SLC9A4: variants seen among roughly 807,000 people sequenced by gnomAD.
SLC9A4 encodes the protein solute carrier family 9 member A4, also known as sodium/hydrogen exchanger 4.
A neutral mutation model predicts 67.4 loss-of-function variants in SLC9A4; 63 were observed. The observed-to-expected ratio is 0.93, with a 90% CI of 0.76 to 1.15. SLC9A4 has a LOEUF of 1.15. SLC9A4 is among the 50% of genes most tolerant of loss of function. The probability of loss-of-function intolerance (pLI) is 0.00; values close to 1 mark genes in which losing one functional copy is unlikely to be tolerated. For synonymous variants in SLC9A4, 393 were observed against 367.2 expected, an observed-to-expected ratio of 1.07 and a Z score of -0.80; for missense variants, 1,089 against 987.7, an observed-to-expected ratio of 1.10 and a Z score of -1.38.
intron 2 of SLC9A4, among the ~76,000 whole-genome samples, chr2:102,503,025 G>C (rs947560916): frequency 1.3e-5 from 2 of 152,378 alleles, no homozygotes; most frequent in Non-Finnish European, 2.9e-5. Flanking sequence ...AAAACTGCAG[G>C]AAGGCCCTTC....
Position 102,513,222 on chromosome 2 carries a change from T to C in SLC9A4, c.1560-868T>C, listed in dbSNP as rs977169660. Among the ~76,000 whole-genome samples the C allele has an allele frequency of 2.0e-5, 3 of 152,182 alleles. No individual in the cohort carries two copies. The South Asian group carries it at 6.2e-4, about 31-fold the overall frequency. ...AGTTGGAATAAGAGGAGGCCTGGTC[T>C]GAGCCGAGCTGGGACAGCAAAGCTC... On this transcript the variant is annotated intron_variant, in intron 7 of 11. Coordinates refer to ENST00000295269, the MANE Select transcript of SLC9A4 (RefSeq NM_001011552.4).
intron 11 of SLC9A4, among the ~76,000 whole-genome samples, chr2:102,528,306 T>C (rs1674706540): frequency 6.6e-6 from 1 of 152,150 alleles, no homozygotes; most frequent in Admixed American, 6.5e-5. Context: ...CCGAGTCTGG[T>C]CGATAGTTTA....
In SLC9A4 at chr2:102,514,116, T is replaced by TA. The variant is rs778463385; in HGVS notation, c.1587dup (p.Arg530ThrfsTer58). The TA allele has an allele frequency of 3.1e-6, 5 of 1,613,080 alleles. No homozygotes were observed. The East Asian group carries it at 1.1e-4, about 36-fold the overall frequency. ...TTTAAGAAGTTTGATCATAGATACT[T>TA]ACGGAAAATCCTCATCAGAAAGAAC... On this transcript the variant is annotated frameshift_variant, in exon 8 of 12. Coordinates refer to ENST00000295269, the MANE Select transcript of SLC9A4 (RefSeq NM_001011552.4). LOFTEE classifies it high-confidence loss of function.
At chr2:102,475,165 A>T (rs558902171) in intron 1 of SLC9A4, among the ~76,000 whole-genome samples, 1 of 152,378 alleles carries the variant, frequency 6.6e-6, no homozygotes, top group African/African-American at 2.4e-5. Context: ...GGATCTTACT[A>T]TATTTTTAAG....
intron 2 of SLC9A4, among the ~76,000 whole-genome samples, chr2:102,485,685 G>A (rs1256871771): frequency 6.6e-6 from 1 of 152,184 alleles, no homozygotes; most frequent in African/African-American, 2.4e-5. Flanking sequence ...ATAATGATGA[G>A]GCGGCAAGCA....
intron 4 of SLC9A4, 87 bp downstream of exon 4, chr2:102,505,558 T>C: frequency 9.1e-6 from 12 of 1,315,180 alleles, no homozygotes; most frequent in Admixed American, 1.9e-5. Context: ...ACTGGAGGAC[T>C]GAGTAGATGC....
At chr2:102,518,612 C>G (rs970288433) in intron 8 of SLC9A4, among the ~76,000 whole-genome samples, 3 of 152,166 alleles carry the variant, frequency 2.0e-5, no homozygotes, top group African/African-American at 7.2e-5. Context: ...TAAACAAAAT[C>G]CAGGCTTGCT....
chr2:102,528,069 G>A (rs1044183765), intron 11 of SLC9A4, among the ~76,000 whole-genome samples: 2 of 152,054 alleles, frequency 1.3e-5, no homozygotes, highest in Non-Finnish European at 2.9e-5. Context: ...ATGCAGTGGA[G>A]CGATCTTGGC....
chr2:102,504,597 G>A (rs1056227054), intron 3 of SLC9A4, among the ~76,000 whole-genome samples: 6 of 152,074 alleles, frequency 3.9e-5, no homozygotes, highest in African/African-American at 1.4e-4. Context: ...TTTTCTGTAC[G>A]GCATTATCTT....
chr2:102,505,616 G>A, intron 4 of SLC9A4, 145 bp downstream of exon 4: 1 of 722,720 alleles, frequency 1.4e-6, no homozygotes, highest in Admixed American at 2.9e-5. Flanking sequence ...GTCGTGAGCA[G>A]GAATCTTTTC....
rs1231074160 is a variant in SLC9A4, at chr2:102,478,820, G to A, written c.257-19G>A. On this transcript the variant is annotated intron_variant, in intron 1 of 11. Transcript: ENST00000295269. Reference sequence around the variant, plus strand: ...CCGTTTCGTTTGCAAGCACCTAACTGCTCTTCGCTGTTCTGCAGGCTTCCA... The same window carrying A: ...CCGTTTCGTTTGCAAGCACCTAACTACTCTTCGCTGTTCTGCAGGCTTCCA... The A allele has an allele frequency of 2.5e-6, 4 of 1,609,264 alleles. No individual in the cohort carries two copies. The South Asian group carries it at 4.4e-5, about 18-fold the overall frequency.
At chr2:102,482,336 C>T (rs1684482751) in intron 2 of SLC9A4, among the ~76,000 whole-genome samples, 1 of 152,128 alleles carries the variant, frequency 6.6e-6, no homozygotes, top group Non-Finnish European at 1.5e-5. Context: ...CAGATGACCG[C>T]TGAAGTTTGA....
intron 11 of SLC9A4, among the ~76,000 whole-genome samples, chr2:102,530,552 A>T (rs1271418619): frequency 1.3e-5 from 2 of 152,204 alleles, no homozygotes; most frequent in Non-Finnish European, 2.9e-5. Context: ...AGTCCACTGT[A>T]AAATAACCCA....
intron 2 of SLC9A4, among the ~76,000 whole-genome samples, chr2:102,499,129 C>T (rs749628006): frequency 6.6e-6 from 1 of 152,140 alleles, no homozygotes; most frequent in East Asian, 1.9e-4. Flanking sequence ...TCCAAGGAGT[C>T]CTTTGCCTTC....
At position 102,525,036 on chromosome 2, in the gene SLC9A4, A is replaced by G. The variant is rs2104448530; in HGVS notation, c.1831A>G (p.Asn611Asp). Residue 611 changes from asparagine (N) to aspartate (D), a missense_variant, in exon 10 of 12, where the codon AAC becomes GAC. Transcript: ENST00000295269. Reference sequence around the variant, plus strand: ...ATTTTCTCTGCAGACCCTGTCCTACAACAAATACAACCTCAAACCCCAAAC... The same window carrying G: ...ATTTTCTCTGCAGACCCTGTCCTACGACAAATACAACCTCAAACCCCAAAC... Reference protein sequence around the residue: ...YQVRQRTLSYNKYNLKPQTSE... With the variant: ...YQVRQRTLSYDKYNLKPQTSE... The G allele has an allele frequency of 6.2e-7, 1 of 1,614,054 alleles. No homozygotes were observed. The highest frequency in any genetic ancestry group is 8.5e-7 in the Non-Finnish European group (1 of 1,179,960).
intron 7 of SLC9A4, 139 bp from the exon 8 acceptor site, chr2:102,513,951 T>G (rs1685220626): frequency 8.3e-7 from 1 of 1,202,526 alleles, no homozygotes; most frequent in Non-Finnish European, 1.1e-6. Flanking sequence ...TGTGTTCAAA[T>G]GCTATGAATT....
In SLC9A4 at chr2:102,485,381, A is replaced by G. The variant is rs560573679; in HGVS notation, c.720+6079A>G. Among the ~76,000 whole-genome samples, 9 of 152,334 alleles carry G rather than the reference A, an allele frequency of 5.9e-5. No homozygotes were observed. The South Asian group carries it at 1.5e-3, about 25-fold the overall frequency. On this transcript the variant is annotated intron_variant, in intron 2 of 11. Coordinates refer to ENST00000295269, the MANE Select transcript of SLC9A4 (RefSeq NM_001011552.4). ...GTGGCAACAGTTTCTATCAGAGACC[A>G]TTGACCTTTCATGCAGTTTGCAATT...
rs147268443 is a variant in SLC9A4 at position 102,505,929 on chromosome 2, T to C, written c.1198+458T>C. ...TGGGCATTTATTTACACTTTCACTA[T>C]AGGATAAGTGAGATCTCACAAATTG... On this transcript the variant is annotated intron_variant, in intron 4 of 11. Transcript: ENST00000295269. 53 of 166,242 alleles carry C rather than the reference T, an allele frequency of 3.2e-4. No individual in the cohort carries two copies. In the East Asian group the frequency reaches 3.3e-3, roughly 10 times the overall value. 10.3% of individuals were successfully genotyped at this position (166,242 alleles called of 1,614,324 possible).
At position 102,526,339 on chromosome 2, in the gene SLC9A4, G is replaced by C. The variant is rs1265163009; in HGVS notation, c.2031G>C (p.Gly677=). 3 of 1,613,612 alleles carry C rather than the reference G, an allele frequency of 1.9e-6. No individual in the cohort carries two copies. Among genetic ancestry groups the C allele is most frequent in the Non-Finnish European group, 2.5e-6 (3 of 1,179,736 alleles). The change falls in exon 11 of 12, where the codon GGG becomes GGC. Residue 677 remains glycine (G), a synonymous_variant. Coordinates refer to ENST00000295269, the MANE Select transcript of SLC9A4 (RefSeq NM_001011552.4). The stretch of plus-strand genomic sequence containing the variant: ...CAGGAAGAGACACAAGGGCTGCTGG[G>C]TTCTCAGGTAAGCTGCCCACCTGGC... The part of the protein sequence containing the change: ...QSAGRDTRAA[G]FSDDDSSDPG...
Sources: allele counts gnomAD v4.1 joint callset (sites outside exome capture counted in the v4.1 genomes callset), GRCh38; gene constraint gnomAD v4.1.1; transcripts MANE v1.5; gene names NCBI Gene and HGNC (gene_info 2026-07-23, HGNC 2026-07-21).